The following JAZF1 variants were observed in gnomAD, a reference collection of about 807,000 sequenced individuals.
The protein encoded by JAZF1 is JAZF zinc finger 1, also known as juxtaposed with another zinc finger protein 1.
In JAZF1, 8 loss-of-function variants were observed where a neutral mutation model predicts 26.4. The ratio of observed to expected loss-of-function variants is 0.30; its 90% CI spans 0.18 to 0.55. JAZF1 has a LOEUF of 0.55. Ranked by LOEUF, JAZF1 falls within the 20% of genes least tolerant of loss-of-function variation. JAZF1 has a pLI of 0.94. For missense variants in JAZF1, 199 were observed against 322.0 expected (o/e 0.62, Z 2.92); for synonymous variants, 126 against 122.3 (o/e 1.03, Z -0.20).
chr7:28,179,056 T>C (rs1264451531), intron 1 of JAZF1, among the ~76,000 whole-genome samples: 1 of 152,220 alleles, frequency 6.6e-6, no homozygotes, highest in East Asian at 1.9e-4. Flanking sequence ...CCTGCATAAA[T>C]ACACAGCAGT....
chr7:27,850,548 G>A (rs772824274), intron 3 of JAZF1, among the ~76,000 whole-genome samples: 1 of 152,156 alleles, frequency 6.6e-6, no homozygotes, highest in Non-Finnish European at 1.5e-5. Flanking sequence ...CAGTTCCCAG[G>A]ACACTGCTGG....
intron 1 of JAZF1, among the ~76,000 whole-genome samples, chr7:28,164,676 T>C (rs1273924243): frequency 6.6e-6 from 1 of 152,194 alleles, no homozygotes; most frequent in Non-Finnish European, 1.5e-5. Context: ...GTGGAATCTA[T>C]ACAATCTCCC....
intron 1 of JAZF1, among the ~76,000 whole-genome samples, chr7:28,027,223 G>A (rs781433629): frequency 2.0e-5 from 3 of 152,176 alleles, no homozygotes; most frequent in Non-Finnish European, 4.4e-5. Flanking sequence ...TGGGGATAAG[G>A]GTTGTTGCTT....
intron 2 of JAZF1, among the ~76,000 whole-genome samples, chr7:27,938,522 G>A (rs1039298733): frequency 7.2e-5 from 11 of 152,284 alleles, no homozygotes; most frequent in African/African-American, 2.6e-4. Context: ...CTTGGGCAAG[G>A]TACTTATCTC....
At chr7:27,924,172 T>A (rs1341449766) in intron 2 of JAZF1, among the ~76,000 whole-genome samples, 5 of 152,150 alleles carry the variant, frequency 3.3e-5, no homozygotes, top group African/African-American at 4.8e-5. Flanking sequence ...TCTGTCTCCC[T>A]TGTTCAAGCA....
intron 1 of JAZF1, among the ~76,000 whole-genome samples, chr7:28,018,739 G>C (rs1420443297): frequency 1.3e-5 from 2 of 152,136 alleles, no homozygotes; most frequent in African/African-American, 4.8e-5. Context: ...CTCCAGCATC[G>C]CAATTATAAA....
At chr7:28,121,304 C>CT (rs1391074430) in intron 1 of JAZF1, among the ~76,000 whole-genome samples, 1 of 152,050 alleles carries the variant, frequency 6.6e-6, no homozygotes, top group African/African-American at 2.4e-5. Flanking sequence ...AGAGAGCTCT[C>CT]TAAGGGAGAT....
chr7:28,034,484 A>ACACACACACACC (rs1783250810), intron 1 of JAZF1, among the ~76,000 whole-genome samples: 2 of 151,778 alleles, frequency 1.3e-5, no homozygotes, highest in Non-Finnish European at 1.5e-5. Flanking sequence ...ACACACACAC[A>ACACACACACACC]CACACACACA....
At chr7:28,050,014 C>A (rs1783584994) in intron 1 of JAZF1, among the ~76,000 whole-genome samples, 1 of 152,148 alleles carries the variant, frequency 6.6e-6, no homozygotes, top group Non-Finnish European at 1.5e-5. Context: ...AAGCTCCAAC[C>A]TTCTAACCAT....
At chr7:28,173,881 A>T (rs1482685883) in intron 1 of JAZF1, among the ~76,000 whole-genome samples, 6 of 59,634 alleles carry the variant, frequency 1.0e-4, no homozygotes, top group South Asian at 1.4e-3. Context: ...AGCTAGCTTT[A>T]AAAAAAAAAA....
chr7:27,931,119 T>C (rs2128349942), intron 2 of JAZF1, among the ~76,000 whole-genome samples: 1 of 152,348 alleles, frequency 6.6e-6, no homozygotes, highest in Non-Finnish European at 1.5e-5. Context: ...AGATTACATG[T>C]AGAGCATGGG....
chr7:28,100,592 G>A (rs1562587298), intron 1 of JAZF1, among the ~76,000 whole-genome samples: 1 of 152,130 alleles, frequency 6.6e-6, no homozygotes, highest in Non-Finnish European at 1.5e-5. Flanking sequence ...AAGGCTCTAT[G>A]AGCAACATGA....
chr7:28,085,002 C>G (rs952788614), intron 1 of JAZF1, among the ~76,000 whole-genome samples: 5 of 152,126 alleles, frequency 3.3e-5, no homozygotes, highest in African/African-American at 9.7e-5. Context: ...CTGTAGAGTC[C>G]CCACTTGGAG....
At chr7:27,981,392 G>A (rs1446867535) in intron 2 of JAZF1, among the ~76,000 whole-genome samples, 2 of 152,192 alleles carry the variant, frequency 1.3e-5, no homozygotes, top group African/African-American at 4.8e-5. Context: ...AAGGGACTGT[G>A]ATTCCCTGAA....
intron 1 of JAZF1, among the ~76,000 whole-genome samples, chr7:28,040,886 T>G (rs1783378895): frequency 6.6e-6 from 1 of 152,166 alleles, no homozygotes. Context: ...GATATTCCAT[T>G]TAATCGGCTA....
At chr7:28,069,967 C>T (rs545910467) in intron 1 of JAZF1, among the ~76,000 whole-genome samples, 6 of 152,298 alleles carry the variant, frequency 3.9e-5, no homozygotes, top group African/African-American at 9.6e-5. Context: ...TGGCTCCTCA[C>T]TCAAGTCCTC....
At chr7:27,932,724 G>A (rs1583469010) in intron 2 of JAZF1, among the ~76,000 whole-genome samples, 1 of 152,262 alleles carries the variant, frequency 6.6e-6, no homozygotes, top group East Asian at 1.9e-4. Flanking sequence ...TGAACTTGGT[G>A]ATGATATTCA....
intron 2 of JAZF1, among the ~76,000 whole-genome samples, chr7:27,981,275 G>A (rs892908543): frequency 6.6e-6 from 1 of 152,128 alleles, no homozygotes; most frequent in Non-Finnish European, 1.5e-5. Flanking sequence ...AGAAGACAGA[G>A]GAACCCATCA....
chr7:27,846,398 C>CGTATACATGTATATATATACATATAT (rs2128332875), intron 3 of JAZF1: 1 of 443,988 alleles, frequency 2.3e-6, no homozygotes, highest in African/African-American at 2.0e-5. Flanking sequence ...TATACATATA[C>CGTATACATGTATATATATACATATAT]GTATACATGT....
Sources: gnomAD v4.1 joint callset for allele counts (sites outside exome capture counted in the v4.1 genomes callset) on GRCh38, gnomAD v4.1.1 for gene constraint, MANE v1.5 for transcripts, NCBI Gene and HGNC (gene_info 2026-07-23, HGNC 2026-07-21) for gene names.